BTN3A3: variants seen among roughly 807,000 people sequenced by gnomAD.
BTN3A3 encodes butyrophilin 3.
Under a neutral mutation model 43.2 loss-of-function variants are expected in BTN3A3, and 39 were observed. The observed-to-expected ratio is 0.90, with a 90% CI of 0.70 to 1.18. The LOEUF is 1.18. Ranked by LOEUF, BTN3A3 falls within the 50% of genes most tolerant of loss-of-function variation. The pLI is 0.00. For missense variants in BTN3A3, 631 were observed against 722.8 expected (o/e 0.87, Z 1.46); for synonymous variants, 255 against 272.7 (o/e 0.93, Z 0.64).
intron 8 of BTN3A3, chr6:26,449,115 T>G (rs1762861442): frequency 3.7e-6 from 1 of 271,188 alleles, no homozygotes; most frequent in South Asian, 7.0e-5. Flanking sequence ...TTCCATAATC[T>G]AGAGGATGTT....
intron 10 of BTN3A3, 92 bp downstream of exon 10, chr6:26,450,225 G>C: frequency 4.0e-6 from 6 of 1,485,916 alleles, no homozygotes; most frequent in South Asian, 3.5e-5. Flanking sequence ...GGGAAGAAAA[G>C]TTCCCTTGAC....
At chr6:26,451,637 T>C (rs772647775) in intron 10 of BTN3A3, 38 bp from the exon 11 acceptor site, 3 of 1,573,864 alleles carry the variant, frequency 1.9e-6, no homozygotes, top group Non-Finnish European at 2.6e-6. Flanking sequence ...CCAGGAAAAA[T>C]GGCTGACCCC....
intron 5 of BTN3A3, among the ~76,000 whole-genome samples, chr6:26,447,985 A>G (rs1285183387): frequency 2.6e-5 from 4 of 152,212 alleles, no homozygotes; most frequent in Admixed American, 6.5e-5. Flanking sequence ...AAAAATATTT[A>G]GAAAAAAATG....
At chr6:26,443,750 C>T in intron 3 of BTN3A3, 91 bp downstream of exon 3, 2 of 1,514,548 alleles carry the variant, frequency 1.3e-6, no homozygotes, top group East Asian at 4.6e-5. Flanking sequence ...CCTAAATGCC[C>T]TCTTAGAACC....
rs1360020657 is a variant in BTN3A3 at position 26,452,474 on chromosome 6, A to G, written c.*63A>G. ...TTTCGTACCACCTTATTGTCCCCTT[A>G]TACAGATAAGGAAACTGGGGTGCAG... On this transcript the variant is annotated 3_prime_UTR_variant, in exon 11 of 11. Transcript: ENST00000244519. 73 of 1,400,564 alleles carry G rather than the reference A, an allele frequency of 5.2e-5. No homozygotes were observed. In the South Asian group the frequency reaches 6.2e-4, roughly 12 times the overall value. 86.8% of individuals were successfully genotyped at this position (1,400,564 alleles called of 1,614,324 possible).
At position 26,448,731 on chromosome 6, in the gene BTN3A3, G is replaced by A. The variant is rs1240532964; in HGVS notation, c.941G>A (p.Trp314Ter). ...LREKLQEELK[W>*]RKIQYMARGE... ...TTCCCTATTCATTCCATTGCAGAGT[G>A]GAGGAAAATCCAGTACATGGCTCGT... is the stretch of plus-strand genomic sequence containing the variant. The change falls in exon 8 of 11, where the codon TGG becomes TAG. Residue 314 changes from tryptophan (W) to a stop codon, truncating the protein, a stop_gained. Coordinates refer to ENST00000244519, the MANE Select transcript of BTN3A3 (RefSeq NM_006994.5). LOFTEE classifies it high-confidence loss of function. The A allele has an allele frequency of 6.2e-6, 10 of 1,613,764 alleles. No individual in the cohort carries two copies. Among genetic ancestry groups the A allele is most frequent in the South Asian group, 5.5e-5 (5 of 91,078 alleles).
chr6:26,449,953 C>G (rs1428940888), intron 9 of BTN3A3, among the ~76,000 whole-genome samples, 154 bp from the exon 10 acceptor site: 1 of 152,062 alleles, frequency 6.6e-6, no homozygotes, highest in East Asian at 1.9e-4. Flanking sequence ...TTAGAAGGTG[C>G]CACCTCTGAT....
At position 26,449,589 on chromosome 6, in the gene BTN3A3, C is replaced by T. The variant is rs16891681; in HGVS notation, c.965-73C>T. ...GTCAAAAAGAAAGTCTAGATGGATG[C>T]GAAAGGAAGTGGAAGGGGCCAACAG... On this transcript the variant is annotated intron_variant, in intron 8 of 10. Transcript: ENST00000244519. The T allele has an allele frequency of 5.1e-3, 7,892 of 1,544,714 alleles. 184 individuals carry two copies. In the African/African-American group the frequency reaches 0.065, roughly 13 times the overall value.
chr6:26,448,662 C>T (rs762401029), intron 7 of BTN3A3, 25 bp downstream of exon 7: 1 of 1,613,966 alleles, frequency 6.2e-7, no homozygotes, highest in South Asian at 1.1e-5. Flanking sequence ...CCCAGGAGAC[C>T]CAGGCATGTC....
chr6:26,445,263 T>C, intron 4 of BTN3A3: 1 of 177,766 alleles, frequency 5.6e-6, no homozygotes. Context: ...TGCAATCCCT[T>C]GCCTCATGGC....
Position 26,452,563 on chromosome 6 carries a change from C to A in BTN3A3, c.*152C>A, listed in dbSNP as rs45622835. 2 of 653,222 alleles carry A rather than the reference C, an allele frequency of 3.1e-6. No individual in the cohort carries two copies. The highest frequency in any genetic ancestry group is 5.1e-6 in the Non-Finnish European group (2 of 390,230). 40.5% of individuals were successfully genotyped at this position (653,222 alleles called of 1,614,324 possible). The stretch of plus-strand genomic sequence containing the variant: ...AACAGCAGAGCTGGGATCTAAACAG[C>A]AATAACTAACATTAACAGAGAATTT... On this transcript the variant is annotated 3_prime_UTR_variant, in exon 11 of 11. Transcript: ENST00000244519.
chr6:26,446,798 G>A lies in BTN3A3; in HGVS notation c.715+813G>A, dbSNP rs531446762. Reference sequence around the variant, plus strand: ...GGATGGAGTGCAATGGCGCAATCTCGGCTCACTGCAACCTCCTCCTCCTGG... The same window carrying A: ...GGATGGAGTGCAATGGCGCAATCTCAGCTCACTGCAACCTCCTCCTCCTGG... On this transcript the variant is annotated intron_variant, in intron 5 of 10. Transcript: ENST00000244519. Among the ~76,000 whole-genome samples the A allele has an allele frequency of 2.6e-5, 4 of 152,152 alleles. No individual in the cohort carries two copies. The East Asian group carries it at 7.7e-4, about 29-fold the overall frequency.
At chr6:26,449,998 G>T in intron 9 of BTN3A3, 109 bp from the exon 10 acceptor site, 1 of 1,303,362 alleles carries the variant, frequency 7.7e-7, no homozygotes, top group East Asian at 2.3e-5. Context: ...GCTGAAGCCT[G>T]GAAGAGACTC....
chr6:26,452,300 G>A lies in BTN3A3; in HGVS notation c.1644G>A (p.Gln548=). 1 of 1,614,010 alleles carries A rather than the reference G, an allele frequency of 6.2e-7. No homozygotes were observed. The highest frequency in any genetic ancestry group is 1.1e-5 in the South Asian group (1 of 91,086). ...TAGCTAATGAAAGTGGGGAGCCTCAGGCTGAAGTAACATCTCTGCTTCTCC... is the reference window on the plus strand; with the variant it reads ...TAGCTAATGAAAGTGGGGAGCCTCAAGCTGAAGTAACATCTCTGCTTCTCC... ...PGLANESGEP[Q]AEVTSLLLPA... Residue 548 remains glutamine, a synonymous_variant, in exon 11 of 11, where the codon CAG becomes CAA. Coordinates refer to ENST00000244519, the MANE Select transcript of BTN3A3 (RefSeq NM_006994.5).
chr6:26,448,427 G>A lies in BTN3A3; in HGVS notation c.895G>A (p.Glu299Lys), dbSNP rs748929937. The A allele has an allele frequency of 6.2e-7, 1 of 1,613,840 alleles. No individual in the cohort carries two copies. Residue 299 changes from glutamate (E) to lysine (K), a missense_variant, in exon 6 of 11, where the codon GAG becomes AAG. Physicochemically the swap from Glu to Lys is moderately conservative, Grantham distance 56. Coordinates refer to ENST00000244519, the MANE Select transcript of BTN3A3 (RefSeq NM_006994.5). ...GAAAGAAATGGGATACGCTGCAACAGAGCAAGAAATAAGCCTAAGAGGTAT... is the reference window on the plus strand; with the variant it reads ...GAAAGAAATGGGATACGCTGCAACAAAGCAAGAAATAAGCCTAAGAGGTAT... ...EMKEMGYAAT[E>K]QEISLREKLQ...
chr6:26,447,165 T>C (rs1762802511), intron 5 of BTN3A3, among the ~76,000 whole-genome samples: 1 of 152,156 alleles, frequency 6.6e-6, no homozygotes, highest in African/African-American at 2.4e-5. Context: ...TCTACACTAA[T>C]ATGGAAAGAT....
chr6:26,443,863 C>G (rs1413596234), intron 3 of BTN3A3, 94 bp from the exon 4 acceptor site: 43 of 1,583,286 alleles, frequency 2.7e-5, no homozygotes, highest in Non-Finnish European at 3.6e-5. Flanking sequence ...CCTCTAGGTT[C>G]TCTGTATCTC....
At chr6:26,441,712 G>T (rs1344169314) in intron 1 of BTN3A3, among the ~76,000 whole-genome samples, 1 of 152,046 alleles carries the variant, frequency 6.6e-6, no homozygotes, top group Non-Finnish European at 1.5e-5. Flanking sequence ...TGACTAATTT[G>T]TAGAAATGGG....
At position 26,445,933 on chromosome 6, in the gene BTN3A3, C is replaced by A. The variant is rs1366824447; in HGVS notation, c.663C>A (p.Ile221=). The A allele has an allele frequency of 6.2e-7, 1 of 1,614,186 alleles. No individual in the cohort carries two copies. Among genetic ancestry groups the A allele is most frequent in the Non-Finnish European group, 8.5e-7 (1 of 1,180,048 alleles). ...GCTCTGGTGGGGGTGTATCCTGCAT[C>A]ATCAGAAATTCCCTCCTCGGCCTGG... ...RGSSGGGVSC[I]IRNSLLGLEK... is the part of the protein sequence containing the mutation. Residue 221 remains isoleucine, a synonymous_variant, in exon 5 of 11, where the codon ATC becomes ATA. Transcript: ENST00000244519.
Sources: gnomAD v4.1 joint callset for allele counts (sites outside exome capture counted in the v4.1 genomes callset) on GRCh38, gnomAD v4.1.1 for gene constraint, MANE v1.5 for transcripts, NCBI Gene and HGNC (gene_info 2026-07-23, HGNC 2026-07-21) for gene names.